Variants in TOX observed in about 807,000 individuals in gnomAD.
The protein encoded by TOX is thymocyte selection-associated high mobility group box protein TOX.
In TOX, 11 loss-of-function variants were observed where a neutral mutation model predicts 53.7. The observed-to-expected ratio is 0.20, with a 90% CI of 0.13 to 0.34. TOX has a LOEUF of 0.34. Among genes scored for constraint, TOX ranks in the 10% least tolerant of loss-of-function variants. The probability of loss-of-function intolerance (pLI) is 1.00; values close to 1 mark genes in which losing one functional copy is unlikely to be tolerated. For missense variants in TOX, 570 were observed against 664.6 expected, an observed-to-expected ratio of 0.86 and a Z score of 1.56; for synonymous variants, 225 against 245.3, an observed-to-expected ratio of 0.92 and a Z score of 0.77.
At chr8:58,860,328 G>C (rs1256399920) in intron 3 of TOX, among the ~76,000 whole-genome samples, 5 of 152,118 alleles carry the variant, frequency 3.3e-5, no homozygotes, top group Non-Finnish European at 5.9e-5. Context: ...GGTCCACAGT[G>C]GTGACCATGT....
At position 58,939,501 on chromosome 8, in the gene TOX, G is replaced by A. The variant is rs866514370; in HGVS notation, c.212C>T (p.Pro71Leu). The A allele has an allele frequency of 6.2e-7, 1 of 1,614,142 alleles. No homozygotes were observed. The highest frequency in any genetic ancestry group is 8.5e-7 in the Non-Finnish European group (1 of 1,180,014). Residue 71 changes from proline to leucine, a missense_variant, in exon 3 of 9, where the codon CCA becomes CTA. By Grantham distance (98) the Pro-to-Leu change is moderately conservative. This residue lies in a region of TOX where 282 missense variants were observed against 315.0 expected (regional missense o/e 0.90). Coordinates refer to ENST00000361421, the MANE Select transcript of TOX (RefSeq NM_014729.3). The stretch of plus-strand genomic sequence containing the variant: ...TGGGAGGGAAGGAGGAGTAATTGGT[G>A]GAATGTTGAAGTCTTCACTTTCCAG... ...PSLESEDFNI[P>L]PITPPSLPDH...
chr8:58,943,432 T>C (rs1384233705), intron 2 of TOX, among the ~76,000 whole-genome samples: 4 of 152,150 alleles, frequency 2.6e-5, no homozygotes, highest in African/African-American at 7.2e-5. Context: ...CTGGTACACA[T>C]GTCCACTTAT....
intron 1 of TOX, among the ~76,000 whole-genome samples, chr8:59,112,377 C>T (rs1470321749): frequency 6.6e-6 from 1 of 152,210 alleles, no homozygotes; most frequent in Non-Finnish European, 1.5e-5. Context: ...TATAACTCAA[C>T]TGTTTTTAAT....
At chr8:58,914,821 G>T (rs1271852714) in intron 3 of TOX, among the ~76,000 whole-genome samples, 10 of 151,824 alleles carry the variant, frequency 6.6e-5, no homozygotes, top group African/African-American at 2.4e-4. Context: ...GTGCCAGACA[G>T]TGGGCGCAGG....
intron 1 of TOX, among the ~76,000 whole-genome samples, chr8:58,990,244 AATTC>A (rs1235392200): frequency 6.6e-6 from 1 of 152,110 alleles, no homozygotes; most frequent in Non-Finnish European, 1.5e-5. Context: ...CTGGGATAGA[AATTC>A]AGATGGGATT....
chr8:58,901,858 C>G (rs1389793056), intron 3 of TOX, among the ~76,000 whole-genome samples: 1 of 152,012 alleles, frequency 6.6e-6, no homozygotes, highest in Non-Finnish European at 1.5e-5. Context: ...TTTAAAGTAG[C>G]CTGGACAGAC....
intron 3 of TOX, among the ~76,000 whole-genome samples, chr8:58,914,894 C>T (rs939156732): frequency 1.2e-4 from 18 of 152,052 alleles, no homozygotes; most frequent in South Asian, 2.1e-4. Context: ...ACCTGGGAAG[C>T]GCAAGGGGTC....
intron 1 of TOX, among the ~76,000 whole-genome samples, chr8:59,110,568 A>G (rs1804997365): frequency 2.0e-5 from 3 of 152,182 alleles, no homozygotes; most frequent in African/African-American, 7.2e-5. Context: ...AGGAAGGTAT[A>G]GAGAGGTAAA....
chr8:59,087,630 T>C (rs1804535430), intron 1 of TOX, among the ~76,000 whole-genome samples: 1 of 152,218 alleles, frequency 6.6e-6, no homozygotes. Flanking sequence ...TGTTAACATG[T>C]AATGCCATAA....
At chr8:58,995,472 C>G (rs113752929) in intron 1 of TOX, among the ~76,000 whole-genome samples, 3 of 152,166 alleles carry the variant, frequency 2.0e-5, no homozygotes, top group Non-Finnish European at 2.9e-5. Flanking sequence ...AAATGACAAT[C>G]ATCTTATTTC....
Position 58,957,745 on chromosome 8 carries a change from G to A in TOX, c.168+2198C>T, listed in dbSNP as rs561725899. Among the ~76,000 whole-genome samples, 6 of 152,260 alleles carry A rather than the reference G, an allele frequency of 3.9e-5. No individual in the cohort carries two copies. The East Asian group carries it at 1.2e-3, about 29-fold the overall frequency. ...TTATAATTGTTGAGTGATGCTATGA[G>A]GCAAGTTGTCTTGGATTACTAAACT... On this transcript the variant is annotated intron_variant, in intron 2 of 8. Coordinates refer to ENST00000361421, the MANE Select transcript of TOX (RefSeq NM_014729.3).
In TOX at chr8:58,960,603, A is replaced by G. The variant is rs1289661293; in HGVS notation, c.103-595T>C. Among the ~76,000 whole-genome samples the G allele has an allele frequency of 5.3e-5, 8 of 152,362 alleles. No homozygotes were observed. In the South Asian group the frequency reaches 1.5e-3, roughly 28 times the overall value. On this transcript the variant is annotated intron_variant, in intron 1 of 8. Coordinates refer to ENST00000361421, the MANE Select transcript of TOX (RefSeq NM_014729.3). ...AATAACAATAAAAATACACAGGCACAATGAAATACTCCTTTTTGAAATATT... is the reference window on the plus strand; with the variant it reads ...AATAACAATAAAAATACACAGGCACGATGAAATACTCCTTTTTGAAATATT...
At chr8:58,812,899 ATTTG>A (rs935724258) in intron 7 of TOX, among the ~76,000 whole-genome samples, 19 of 152,326 alleles carry the variant, frequency 1.2e-4, no homozygotes, top group African/African-American at 3.8e-4. Flanking sequence ...TTTACTGCTC[ATTTG>A]TTTGTTTATT....
At chr8:58,980,085 A>G (rs1261006210) in intron 1 of TOX, among the ~76,000 whole-genome samples, 1 of 152,240 alleles carries the variant, frequency 6.6e-6, no homozygotes, top group Non-Finnish European at 1.5e-5. Context: ...TGGCCATTTA[A>G]CACAGGGGAA....
At chr8:58,910,918 T>A (rs1811899095) in intron 3 of TOX, among the ~76,000 whole-genome samples, 1 of 152,232 alleles carries the variant, frequency 6.6e-6, no homozygotes, top group Non-Finnish European at 1.5e-5. Flanking sequence ...GATCTGAGCA[T>A]CTACAGAACA....
At chr8:58,993,090 A>G (rs1238887794) in intron 1 of TOX, among the ~76,000 whole-genome samples, 2 of 152,098 alleles carry the variant, frequency 1.3e-5, no homozygotes, top group Non-Finnish European at 2.9e-5. Flanking sequence ...ACCAAGACAG[A>G]GAACAGGAAC....
At chr8:59,089,628 T>C (rs569109061) in intron 1 of TOX, among the ~76,000 whole-genome samples, 56 of 152,354 alleles carry the variant, frequency 3.7e-4, no homozygotes, top group African/African-American at 1.3e-3. Context: ...TCTTGCTCTG[T>C]CACCTAGGCT....
intron 1 of TOX, among the ~76,000 whole-genome samples, chr8:58,996,512 A>G (rs1813563344): frequency 6.6e-6 from 1 of 152,222 alleles, no homozygotes; most frequent in African/African-American, 2.4e-5. Flanking sequence ...AAGTAATTTA[A>G]TAATGAATGA....
chr8:58,892,547 T>G (rs1811575231), intron 3 of TOX, among the ~76,000 whole-genome samples: 1 of 152,192 alleles, frequency 6.6e-6, no homozygotes, highest in African/African-American at 2.4e-5. Context: ...AGAATGCATG[T>G]GGCTTTGGGC....
Sources: gnomAD v4.1 joint callset for allele counts (sites outside exome capture counted in the v4.1 genomes callset) on GRCh38, gnomAD v4.1.1 for gene constraint, gnomAD v4.1.1 regional missense constraint, MANE v1.5 for transcripts, NCBI Gene and HGNC (gene_info 2026-07-23, HGNC 2026-07-21) for gene names.